HNRNPH1: variants seen among roughly 807,000 people sequenced by gnomAD.
HNRNPH1 encodes heterogeneous nuclear ribonucleoprotein H1, also known as heterogeneous nuclear ribonucleoprotein H.
Under a neutral mutation model 58.6 loss-of-function variants are expected in HNRNPH1, and 4 were observed. That is an observed-to-expected ratio of 0.07 (90% confidence interval 0.03 to 0.16). The LOEUF (loss-of-function observed/expected upper bound fraction) is 0.16, where lower values mean the gene tolerates loss of function less well. HNRNPH1 is among the 10% of genes least tolerant of loss of function. HNRNPH1 has a pLI of 1.00. For synonymous variants in HNRNPH1, 192 were observed against 189.2 expected, an observed-to-expected ratio of 1.01 and a Z score of -0.12; for missense variants, 271 against 564.2, an observed-to-expected ratio of 0.48 and a Z score of 5.26.
At chr5:179,623,721 C>G (rs1773949654) in exon 1 of HNRNPH1, 1 of 152,506 alleles carries the variant, frequency 6.6e-6, no homozygotes, top group Non-Finnish European at 1.5e-5. Flanking sequence ...GCGAGTTCTG[C>G]GCACGCGCAG....
At chr5:179,616,773 T>A (rs1769934888) in intron 10 of HNRNPH1, 96 bp downstream of exon 11, 10 of 1,090,988 alleles carry the variant, frequency 9.2e-6, no homozygotes, top group Non-Finnish European at 1.3e-5. Flanking sequence ...CTAAGTTTCT[T>A]ATGCTAAACT....
chr5:179,619,498 G>C lies in HNRNPH1; in HGVS notation c.398-91C>G, dbSNP rs912536549. The C allele has an allele frequency of 4.1e-6, 5 of 1,208,154 alleles. No homozygotes were observed. In the Admixed American group the frequency reaches 7.1e-5, roughly 17 times the overall value. The allele number at this position is 1,208,154 out of a possible 1,614,324, so 74.8% of individuals were successfully genotyped here. Reference sequence around the variant, plus strand: ...TCTTCTTATAGCTTTAAATAAACCAGAATTTTTAACTTTAGGTGAATGGTA... The same window carrying C: ...TCTTCTTATAGCTTTAAATAAACCACAATTTTTAACTTTAGGTGAATGGTA... On this transcript the variant is annotated intron_variant, in intron 3 of 12. Transcript: ENST00000356731.
chr5:179,623,549 T>G (rs1773833278), exon 1 of HNRNPH1: 1 of 170,390 alleles, frequency 5.9e-6, no homozygotes, highest in Non-Finnish European at 1.3e-5. Context: ...CCCGTGGCCC[T>G]CCCAGAGATA....
At chr5:179,622,310 G>A (rs1447625663) in intron 1 of HNRNPH1, among the ~76,000 whole-genome samples, 3 of 152,174 alleles carry the variant, frequency 2.0e-5, no homozygotes, top group African/African-American at 7.2e-5. Flanking sequence ...GAAACAAGAG[G>A]TTACACTTCA....
At chr5:179,621,159 G>C in intron 2 of HNRNPH1, 83 bp downstream of exon 3, 1 of 1,501,674 alleles carries the variant, frequency 6.7e-7, no homozygotes. Flanking sequence ...TTTCCATGCA[G>C]TCAAATACCT....
intron 2 of HNRNPH1, 50 bp from the exon 4 acceptor site, chr5:179,621,085 G>C (rs1256961229): frequency 6.3e-7 from 1 of 1,591,194 alleles, no homozygotes. Flanking sequence ...AGATAACAAA[G>C]TTCAGACTTC....
Position 179,616,075 on chromosome 5 carries a change from G to A in HNRNPH1, c.1300+51C>T, listed in dbSNP as rs531557282. On this transcript the variant is annotated intron_variant, in intron 11 of 12. Coordinates refer to ENST00000356731, the Ensembl canonical transcript of HNRNPH1. Reference sequence around the variant, plus strand: ...CATAACTTACTCTAAGTACAGTAATGAACAGGCTTTACCATAACTTACTCT... The same window carrying A: ...CATAACTTACTCTAAGTACAGTAATAAACAGGCTTTACCATAACTTACTCT... The A allele has an allele frequency of 5.9e-5, 85 of 1,447,296 alleles. 1 individual carries two copies. The highest frequency in any genetic ancestry group is 3.0e-4 in the Admixed American group (18 of 59,682). 89.7% of individuals were successfully genotyped at this position (1,447,296 alleles called of 1,614,324 possible). A position where few individuals can be genotyped will look rare whatever the true frequency, so the allele number is the denominator to read the frequency against.
exon 13 of HNRNPH1, chr5:179,614,255 A>T (rs1036265771): frequency 6.6e-6 from 1 of 152,564 alleles, no homozygotes; most frequent in Admixed American, 6.5e-5. Flanking sequence ...CAATACAATG[A>T]AAGATTTAAA....
At chr5:179,624,629 C>A (rs1207269955) in exon 1 of HNRNPH1, 2 of 398,606 alleles carry the variant, frequency 5.0e-6, no homozygotes, top group Non-Finnish European at 8.8e-6. Context: ...CATGTGCACA[C>A]ATGCTGCGAG....
chr5:179,620,634 T>C (rs898473382), intron 3 of HNRNPH1: 7 of 382,186 alleles, frequency 1.8e-5, no homozygotes, highest in Middle Eastern at 7.3e-4. Context: ...GTAGTTAAGC[T>C]GTTGAGGGCA....
intron 10 of HNRNPH1, 47 bp from the exon 12 acceptor site, chr5:179,616,265 G>T: frequency 7.3e-7 from 1 of 1,368,440 alleles, no homozygotes; most frequent in Non-Finnish European, 1.0e-6. Context: ...ATGTGATGTG[G>T]TACCTGGTGG....
At chr5:179,626,734 T>G (rs1410298322), upstream of HNRNPH1, among the ~76,000 whole-genome samples, 1 of 149,412 alleles carries the variant, frequency 6.7e-6, no homozygotes. Context: ...AAAAAAAAAA[T>G]TCATCATCTT....
At chr5:179,626,446 TG>T (rs796482333), upstream of HNRNPH1, among the ~76,000 whole-genome samples, 2 of 148,930 alleles carry the variant, frequency 1.3e-5, no homozygotes, top group African/African-American at 4.9e-5. Context: ...AGCCCACGCG[TG>T]GGGCTCATGC....
rs576264586 is a variant in HNRNPH1 at position 179,615,929 on chromosome 5, AAC to A, written c.1300+195_1300+196del. ...TTGTTTCTGAAAATTAGCTAGTAAA[AAC>A]AGTTACATTTGGATTGAAAGCATAC... On this transcript the variant is annotated intron_variant, in intron 11 of 12. Transcript: ENST00000356731. The A allele has an allele frequency of 5.8e-3, 3,160 of 549,210 alleles. 17 individuals are homozygous for A. The highest frequency in any genetic ancestry group is 7.6e-3 in the Non-Finnish European group (2,331 of 307,268). 34.0% of individuals were successfully genotyped at this position (549,210 alleles called of 1,614,324 possible). A position where few individuals can be genotyped will look rare whatever the true frequency, so the allele number is the denominator to read the frequency against.
At chr5:179,619,202 G>C in intron 4 of HNRNPH1, 67 bp downstream of exon 5, 1 of 1,316,194 alleles carries the variant, frequency 7.6e-7, no homozygotes, top group Non-Finnish European at 1.1e-6. Context: ...CTTTTAAGCA[G>C]AGAGAATATG....
At position 179,621,231 on chromosome 5, in the gene HNRNPH1, G is replaced by A; in HGVS notation, c.253+11C>T. The A allele has an allele frequency of 6.2e-7, 1 of 1,611,732 alleles. No homozygotes were observed. The highest frequency in any genetic ancestry group is 8.5e-7 in the Non-Finnish European group (1 of 1,177,902). On this transcript the variant is annotated intron_variant, in intron 2 of 12. Transcript: ENST00000356731. The stretch of plus-strand genomic sequence containing the variant: ...CTTTATTTACTGTAACTAGGGCAAT[G>A]TAAATCAAACCTTCAACATATCTGT...
At chr5:179,624,511 G>T in exon 1 of HNRNPH1, 1 of 398,748 alleles carries the variant, frequency 2.5e-6, no homozygotes, top group Non-Finnish European at 4.4e-6. Flanking sequence ...GTGCGCGCCG[G>T]CCTCTGCGCT....
chr5:179,625,326 T>C (rs1774274924), upstream of HNRNPH1, among the ~76,000 whole-genome samples: 1 of 137,870 alleles, frequency 7.3e-6, no homozygotes, highest in East Asian at 2.2e-4. Flanking sequence ...TGAAACCCCA[T>C]CTCTACTAAA....
At chr5:179,617,057 C>T in exon 9 of HNRNPH1, 1 of 1,614,036 alleles carries the variant, frequency 6.2e-7, no homozygotes, top group Non-Finnish European at 8.5e-7. Flanking sequence ...CTACCGTAAG[C>T]ACCACCGCTT....
Sources: gnomAD v4.1 joint callset for allele counts (sites outside exome capture counted in the v4.1 genomes callset) on GRCh38, gnomAD v4.1.1 for gene constraint, MANE v1.5 for transcripts, NCBI Gene and HGNC (gene_info 2026-07-23, HGNC 2026-07-21) for gene names.